Variants in REV3L observed in about 807,000 individuals in gnomAD.
The protein encoded by REV3L is REV3 like, DNA directed polymerase zeta catalytic subunit.
REV3L carries 69 observed loss-of-function variants against 299.4 expected under a neutral mutation model. The observed-to-expected ratio is 0.23, with a 90% CI of 0.19 to 0.28. The LOEUF is 0.28. REV3L is among the 10% of genes least tolerant of loss of function. The pLI, the probability that REV3L is intolerant of heterozygous loss-of-function variation, is 1.00. For synonymous variants in REV3L, 1,238 were observed against 1,271.4 expected (o/e 0.97, Z 0.56); for missense variants, 3,128 against 3,693.8 (o/e 0.85, Z 3.97).
intron 13 of REV3L, among the ~76,000 whole-genome samples, chr6:111,370,964 CTT>C (rs1440574254): frequency 1.3e-4 from 20 of 151,664 alleles, no homozygotes; most frequent in African/African-American, 4.1e-4. Context: ...CATATTGTAT[CTT>C]TCTTTTTTTT....
In REV3L at chr6:111,458,190, C is replaced by T. The variant is rs188215919; in HGVS notation, c.139+24560G>A. 3.3e-3 allele frequency among the ~76,000 whole-genome samples: 500 copies of T among 152,126 alleles called. 1 individual carries two copies. The highest frequency in any genetic ancestry group is 9.7e-3 in the African/African-American group (405 of 41,544). On this transcript the variant is annotated intron_variant, in intron 1 of 31. Transcript: ENST00000368802. ...ACATAAACAGAATTAAAAAGAAACA[C>T]GATATGACCATCTCAATAGATGCAG... is the stretch of plus-strand genomic sequence containing the variant.
In REV3L at chr6:111,329,754, A is replaced by G. The variant is rs1775199786; in HGVS notation, c.8035-16T>C. ...TTACTGAAGGCTATCATAAAGAAAA[A>G]AAATGTTTAAAACCCCTCAAACATT... On this transcript the variant is annotated splice_polypyrimidine_tract_variant and intron_variant, in intron 24 of 31. Coordinates refer to ENST00000368802, the MANE Select transcript of REV3L (RefSeq NM_001372078.1). 6.3e-7 allele frequency: 1 copy of G among 1,585,552 alleles called. No homozygotes were observed.
At chr6:111,397,014 T>C (rs1477998222) in intron 4 of REV3L, among the ~76,000 whole-genome samples, 1 of 152,102 alleles carries the variant, frequency 6.6e-6, no homozygotes, top group African/African-American at 2.4e-5. Flanking sequence ...GTATGTCTTC[T>C]TTTTTCTTGG....
intron 1 of REV3L, among the ~76,000 whole-genome samples, chr6:111,464,395 T>C (rs1178713726): frequency 1.3e-5 from 2 of 152,176 alleles, no homozygotes; most frequent in East Asian, 1.9e-4. Context: ...CCCTTGTTCA[T>C]AGATAGGTAT....
chr6:111,369,281 C>CAAAAAAAAAAAAAA (rs71021838), intron 13 of REV3L, among the ~76,000 whole-genome samples: 1 of 68,142 alleles, frequency 1.5e-5, no homozygotes, highest in Non-Finnish European at 2.6e-5. Flanking sequence ...GACTCTGTCT[C>CAAAAAAAAAAAAAA]AAAAAAAAAA....
chr6:111,319,996 A>AT (rs989545605), intron 26 of REV3L, among the ~76,000 whole-genome samples: 6 of 151,498 alleles, frequency 4.0e-5, no homozygotes, highest in South Asian at 2.1e-4. Flanking sequence ...CACCCAGCTA[A>AT]TTTTTTTAAT....
At chr6:111,356,123 G>A (rs1056326162) in intron 18 of REV3L, among the ~76,000 whole-genome samples, 4 of 152,000 alleles carry the variant, frequency 2.6e-5, no homozygotes, top group African/African-American at 4.8e-5. Context: ...AGTTTTTATA[G>A]GATGAAGTTC....
chr6:111,347,886 AG>A (rs1350025873), intron 20 of REV3L, among the ~76,000 whole-genome samples: 1 of 152,142 alleles, frequency 6.6e-6, no homozygotes, highest in Non-Finnish European at 1.5e-5. Context: ...ACTGGCTCTC[AG>A]GATCAAGTGA....
chr6:111,313,045 T>G (rs2114733282), intron 28 of REV3L: 1 of 225,292 alleles, frequency 4.4e-6, no homozygotes. Flanking sequence ...GAAATAAAAT[T>G]CTAGCTACTC....
At chr6:111,342,793 A>G (rs1320644502) in intron 21 of REV3L, among the ~76,000 whole-genome samples, 3 of 152,196 alleles carry the variant, frequency 2.0e-5, no homozygotes, top group Non-Finnish European at 4.4e-5. Context: ...CACTCATTAA[A>G]TCTGACTTTG....
intron 4 of REV3L, among the ~76,000 whole-genome samples, chr6:111,401,250 C>T (rs1169891593): frequency 6.6e-6 from 1 of 152,188 alleles, no homozygotes; most frequent in Non-Finnish European, 1.5e-5. Flanking sequence ...ATCTCCTGGA[C>T]ATGAAATAAT....
rs183170291 is a variant in REV3L, at chr6:111,378,549, T to C, written c.1455-706A>G. 3.9e-5 allele frequency among the ~76,000 whole-genome samples: 6 copies of C among 152,300 alleles called. No individual in the cohort carries two copies. The East Asian group carries it at 9.6e-4, about 24-fold the overall frequency. ...AGGTATCAGAGGTCCAGTCCAACTT[T>C]CTACCCAATGCGAAAACCTCATTTT... On this transcript the variant is annotated intron_variant, in intron 11 of 31. Coordinates refer to ENST00000368802, the MANE Select transcript of REV3L (RefSeq NM_001372078.1).
chr6:111,448,339 T>G (rs1206261312), intron 1 of REV3L, among the ~76,000 whole-genome samples: 1 of 150,132 alleles, frequency 6.7e-6, no homozygotes, highest in African/African-American at 2.4e-5. Flanking sequence ...TTTCTTTTTT[T>G]TCTTTTCTTT....
chr6:111,422,106 G>A (rs1006155051), intron 1 of REV3L, among the ~76,000 whole-genome samples: 4 of 152,100 alleles, frequency 2.6e-5, no homozygotes, highest in Non-Finnish European at 5.9e-5. Context: ...AAATGTACAC[G>A]AAGATTCAGA....
chr6:111,412,950 A>G (rs1203800631), intron 2 of REV3L, among the ~76,000 whole-genome samples: 1 of 152,032 alleles, frequency 6.6e-6, no homozygotes, highest in African/African-American at 2.4e-5. Flanking sequence ...GGCTTGTTTA[A>G]TCTTCATTCA....
At chr6:111,358,281 C>T (rs1188276947) in intron 17 of REV3L, among the ~76,000 whole-genome samples, 1 of 152,122 alleles carries the variant, frequency 6.6e-6, no homozygotes, top group Non-Finnish European at 1.5e-5. Flanking sequence ...AACCCTCTAT[C>T]AGCAGGAAAA....
intron 9 of REV3L, among the ~76,000 whole-genome samples, chr6:111,382,987 C>T (rs1156867220): frequency 6.6e-6 from 1 of 152,176 alleles, no homozygotes; most frequent in Non-Finnish European, 1.5e-5. Context: ...TCTAAACACA[C>T]CCTGGGCCAG....
In REV3L at chr6:111,303,701, CTTTTTTTTTTTTTTTTTTTTTT is replaced by C. The variant is rs58366929; in HGVS notation, c.9253-3567_9253-3546del. Among the ~76,000 whole-genome samples the C allele has an allele frequency of 7.5e-3, 95 of 12,642 alleles. 2 individuals carry two copies. Among genetic ancestry groups the C allele is most frequent in the African/African-American group, 0.021 (90 of 4,206 alleles). 8.3% of individuals were successfully genotyped at this position (12,642 alleles called of 152,430 possible). A position where few individuals can be genotyped will look rare whatever the true frequency, so the allele number is the denominator to read the frequency against. On this transcript the variant is annotated intron_variant, in intron 31 of 31. Transcript: ENST00000368802. ...TTTTTTTTTTTTTAACAGACTATGA[CTTTTTTTTTTTTTTTTTTTTTT>C]TTTTTTTTTTTTTTAAGATGGAGTC... is the stretch of plus-strand genomic sequence containing the variant.
chr6:111,367,211 T>C lies in REV3L; in HGVS notation c.6577A>G (p.Lys2193Glu). Residue 2193 changes from lysine to glutamate, a missense_variant, in exon 14 of 32, where the codon AAA (lysine) becomes GAA (glutamate). Lys to Glu is a moderately conservative substitution (Grantham distance 56). Around this residue, in one of 9 missense-constraint regions of REV3L, gnomAD observed 2,409 missense variants for 2,611.8 expected, o/e 0.92. Transcript: ENST00000368802. ...CTATGAAAGCAAAGTGATTCACATTTCCCAGTTCTTGCCCTAGTATTAATT... is the reference window on the plus strand; with the variant it reads ...CTATGAAAGCAAAGTGATTCACATTCCCCAGTTCTTGCCCTAGTATTAATT... ...SPINTRARTG[K>E]CESLCFHSTP... 3 of 1,614,068 alleles carry C rather than the reference T, an allele frequency of 1.9e-6. No individual in the cohort carries two copies. The highest frequency in any genetic ancestry group is 2.5e-6 in the Non-Finnish European group (3 of 1,179,974).
Sources: gnomAD v4.1 joint callset for allele counts (sites outside exome capture counted in the v4.1 genomes callset) on GRCh38, gnomAD v4.1.1 for gene constraint, gnomAD v4.1.1 regional missense constraint, MANE v1.5 for transcripts, NCBI Gene and HGNC (gene_info 2026-07-23, HGNC 2026-07-21) for gene names.